ADGRL3: variants seen among roughly 807,000 people sequenced by gnomAD.
ADGRL3 encodes the protein calcium-independent alpha-latrotoxin receptor 3.
In ADGRL3, 62 loss-of-function variants were observed where a neutral mutation model predicts 153.5. The observed-to-expected ratio is 0.40, with a 90% CI of 0.33 to 0.50. The LOEUF is 0.50. Ranked by LOEUF, ADGRL3 falls within the 20% of genes least tolerant of loss-of-function variation. The probability of loss-of-function intolerance (pLI) is 0.47; values close to 1 mark genes in which losing one functional copy is unlikely to be tolerated. For missense variants in ADGRL3, 1,641 were observed against 1,859.4 expected (o/e 0.88, Z 2.16); for synonymous variants, 710 against 672.5 (o/e 1.06, Z -0.86).
chr4:61,617,561 G>A (rs2092138530), intron 5 of ADGRL3, among the ~76,000 whole-genome samples: 1 of 152,104 alleles, frequency 6.6e-6, no homozygotes, highest in African/African-American at 2.4e-5. Flanking sequence ...AAAGTTTCCT[G>A]TAAGAAAAAC....
At chr4:61,764,936 G>A (rs1049936738) in intron 8 of ADGRL3, among the ~76,000 whole-genome samples, 3 of 151,802 alleles carry the variant, frequency 2.0e-5, no homozygotes, top group African/African-American at 7.3e-5. Flanking sequence ...AGAATGATTG[G>A]TGATGGCCTG....
chr4:61,992,841 CAA>C (rs1481145822), intron 19 of ADGRL3, among the ~76,000 whole-genome samples: 2 of 152,026 alleles, frequency 1.3e-5, no homozygotes, highest in Admixed American at 6.6e-5. Context: ...TTCAAAAAAG[CAA>C]AGTTTTGCAA....
intron 6 of ADGRL3, among the ~76,000 whole-genome samples, chr4:61,713,456 C>G (rs930589235): frequency 1.1e-4 from 16 of 152,004 alleles, no homozygotes; most frequent in East Asian, 9.7e-4. Context: ...TTCTAATTTA[C>G]TGTGTTAAAT....
intron 5 of ADGRL3, among the ~76,000 whole-genome samples, chr4:61,600,307 C>CAAAAAAAAAAAAAA (rs60557691): frequency 3.2e-5 from 2 of 61,762 alleles, no homozygotes; most frequent in African/African-American, 6.7e-5. Context: ...GGCTGCCTTG[C>CAAAAAAAAAAAAAA]AAAAAAAAAA....
intron 8 of ADGRL3, among the ~76,000 whole-genome samples, chr4:61,793,712 G>C (rs898767140): frequency 6.6e-6 from 1 of 151,976 alleles, no homozygotes; most frequent in African/African-American, 2.4e-5. Flanking sequence ...CCTCCAGACA[G>C]CTACCGGATA....
At chr4:61,581,811 C>A (rs1041578308) in intron 4 of ADGRL3, among the ~76,000 whole-genome samples, 3 of 152,050 alleles carry the variant, frequency 2.0e-5, no homozygotes, top group African/African-American at 4.8e-5. Flanking sequence ...TCTCCCTTAC[C>A]TTACATGTTC....
chr4:61,455,265 A>G (rs1015845290), intron 2 of ADGRL3, among the ~76,000 whole-genome samples: 28 of 152,224 alleles, frequency 1.8e-4, no homozygotes, highest in African/African-American at 6.8e-4. Context: ...CAGTGGGAAT[A>G]GCATCGAAGC....
intron 1 of ADGRL3, among the ~76,000 whole-genome samples, chr4:61,342,407 G>A (rs778273846): frequency 6.6e-6 from 1 of 152,042 alleles, no homozygotes; most frequent in Non-Finnish European, 1.5e-5. Flanking sequence ...GACAACTTCA[G>A]GCTATTTCTC....
intron 2 of ADGRL3, among the ~76,000 whole-genome samples, chr4:61,405,348 G>C (rs911631188): frequency 2.6e-5 from 4 of 152,012 alleles, no homozygotes; most frequent in African/African-American, 9.7e-5. Flanking sequence ...AAAGGACACA[G>C]TTCTGTAACA....
chr4:61,297,513 G>C (rs1183928621), intron 1 of ADGRL3, among the ~76,000 whole-genome samples: 1 of 151,886 alleles, frequency 6.6e-6, no homozygotes, highest in Non-Finnish European at 1.5e-5. Context: ...TTTAGTTTTT[G>C]CCTTGAATTT....
chr4:61,640,250 A>C (rs2093605734), intron 5 of ADGRL3, among the ~76,000 whole-genome samples: 1 of 152,180 alleles, frequency 6.6e-6, no homozygotes, highest in African/African-American at 2.4e-5. Context: ...AATGCAAAAA[A>C]AGGAATTAAA....
intron 8 of ADGRL3, among the ~76,000 whole-genome samples, chr4:61,773,663 C>G (rs2097111726): frequency 6.6e-6 from 1 of 151,992 alleles, no homozygotes; most frequent in Non-Finnish European, 1.5e-5. Flanking sequence ...AGGAAAAAAA[C>G]CCTTTTTCCT....
At chr4:61,393,225 G>T (rs2096833718) in intron 2 of ADGRL3, among the ~76,000 whole-genome samples, 1 of 152,068 alleles carries the variant, frequency 6.6e-6, no homozygotes, top group Non-Finnish European at 1.5e-5. Context: ...GGGTCATTGA[G>T]AAGAAAAAGT....
Position 61,998,244 on chromosome 4 carries a change from C to T in ADGRL3, c.3374C>T (p.Ser1125Leu). Residue 1125 changes from serine (S) to leucine (L), a missense_variant, in exon 21 of 27, where the codon TCA becomes TTA. Around this residue, in one of 5 missense-constraint regions of ADGRL3, gnomAD observed 517 missense variants for 555.0 expected, o/e 0.93. Coordinates refer to ENST00000683033, the MANE Select transcript of ADGRL3 (RefSeq NM_001387552.1). ...CATACTGCTATACTGAAACCTGAAT[C>T]AGGCTGTCTTGATAACATCAAGTAA... ...FHHTAILKPESGCLDNINYED... is the reference protein window; with the variant it reads ...FHHTAILKPELGCLDNINYED... The T allele has an allele frequency of 6.3e-7, 1 of 1,576,850 alleles. No individual in the cohort carries two copies. The highest frequency in any genetic ancestry group is 8.6e-7 in the Non-Finnish European group (1 of 1,161,538).
chr4:61,629,552 A>G (rs2093029026), intron 5 of ADGRL3, among the ~76,000 whole-genome samples: 1 of 151,084 alleles, frequency 6.6e-6, no homozygotes, highest in African/African-American at 2.4e-5. Flanking sequence ...TCCCCTCTCT[A>G]CTAAAAATAC....
intron 1 of ADGRL3, among the ~76,000 whole-genome samples, chr4:61,272,686 T>C (rs904420398): frequency 9.9e-5 from 15 of 152,140 alleles, no homozygotes; most frequent in African/African-American, 3.1e-4. Context: ...ACATCAAATT[T>C]AGAATGAAAA....
At chr4:61,514,944 C>A (rs2098483924) in intron 3 of ADGRL3, among the ~76,000 whole-genome samples, 1 of 152,072 alleles carries the variant, frequency 6.6e-6, no homozygotes, top group African/African-American at 2.4e-5. Context: ...ATTTTTAAAT[C>A]AATTGTCATT....
intron 3 of ADGRL3, among the ~76,000 whole-genome samples, chr4:61,497,585 G>T (rs1425675863): frequency 6.7e-6 from 1 of 148,834 alleles, no homozygotes; most frequent in Admixed American, 6.7e-5. Flanking sequence ...GCACGATCTC[G>T]GCTTACTGCA....
chr4:61,521,256 G>A (rs1485962709), intron 4 of ADGRL3, among the ~76,000 whole-genome samples: 1 of 152,080 alleles, frequency 6.6e-6, no homozygotes, highest in Non-Finnish European at 1.5e-5. Flanking sequence ...GCACAGAAAT[G>A]GAAGAAGAAA....
Sources: allele counts gnomAD v4.1 joint callset (sites outside exome capture counted in the v4.1 genomes callset), GRCh38; gene constraint gnomAD v4.1.1; regional missense constraint gnomAD v4.1.1; transcripts MANE v1.5; gene names NCBI Gene and HGNC (gene_info 2026-07-23, HGNC 2026-07-21).